LONRF2: variants seen among roughly 807,000 people sequenced by gnomAD.
LONRF2 encodes the protein LON peptidase N-terminal domain and ring finger 2.
In LONRF2, 35 loss-of-function variants were observed where a neutral mutation model predicts 66.6. The observed-to-expected ratio is 0.53, with a 90% CI of 0.40 to 0.70. The LOEUF (loss-of-function observed/expected upper bound fraction) is 0.70, where lower values mean the gene tolerates loss of function less well. Ranked by LOEUF, LONRF2 falls within the 30% of genes least tolerant of loss-of-function variation. The pLI, the probability that LONRF2 is intolerant of heterozygous loss-of-function variation, is 0.00. For synonymous variants in LONRF2, 417 were observed against 418.1 expected (o/e 1.00, Z 0.03); for missense variants, 902 against 1,002.1 (o/e 0.90, Z 1.35).
intron 2 of LONRF2, among the ~76,000 whole-genome samples, chr2:100,307,853 A>G (rs556512326): frequency 1.1e-4 from 17 of 152,382 alleles, no homozygotes; most frequent in Admixed American, 9.1e-4. Context: ...GATAAATTAT[A>G]TAAATTTTTG....
At chr2:100,293,800 C>T (rs902501308) in intron 9 of LONRF2, among the ~76,000 whole-genome samples, 2 of 152,072 alleles carry the variant, frequency 1.3e-5, no homozygotes, top group African/African-American at 4.8e-5. Flanking sequence ...GGTTGGTCTC[C>T]AACTCCTGGG....
chr2:100,295,391 A>G (rs766778860), intron 8 of LONRF2, 41 bp downstream of exon 8: 11 of 1,580,448 alleles, frequency 7.0e-6, no homozygotes, highest in South Asian at 4.7e-5. Flanking sequence ...ACAAAGTTCA[A>G]TCTGAACTTA....
rs1007204473 is a variant in LONRF2, at chr2:100,272,355, C to G, written c.*11943G>C. ...CTCCATAGAAAGTAAAAAAATTAGC[C>G]GGGTATAGCGGCATGCACCTGTGGT... On this transcript the variant is annotated 3_prime_UTR_variant, in exon 12 of 12. Coordinates refer to ENST00000393437, the MANE Select transcript of LONRF2 (RefSeq NM_198461.4). 6.6e-6 allele frequency among the ~76,000 whole-genome samples: 1 copy of G among 151,934 alleles called. No individual in the cohort carries two copies. The highest frequency in any genetic ancestry group is 2.4e-5 in the African/African-American group (1 of 41,370).
chr2:100,284,310 C>A lies in LONRF2; in HGVS notation c.2253G>T (p.Glu751Asp). 6.5e-7 allele frequency: 1 copy of A among 1,537,394 alleles called. No homozygotes were observed. Among genetic ancestry groups the A allele is most frequent in the East Asian group, 2.4e-5 (1 of 42,128 alleles). Residue 751 changes from glutamate to aspartate, a missense_variant, in exon 12 of 12, where the codon GAG becomes GAT. Transcript: ENST00000393437. ...NSRQELANAR[E>D]RNN is the part of the protein sequence containing the mutation. ...ACAGAGAGAAAAATCAATTATTTCT[C>A]TCCCTGGCATTAGCCAGCTCTTGCC...
chr2:100,292,480 G>A (rs982799571), intron 9 of LONRF2, among the ~76,000 whole-genome samples: 1 of 152,188 alleles, frequency 6.6e-6, no homozygotes, highest in Admixed American at 6.5e-5. Flanking sequence ...CTCCCTGTGG[G>A]ATCTTGTTTG....
rs1163018034 is a variant in LONRF2 at position 100,275,519 on chromosome 2, A to G, written c.*8779T>C. On this transcript the variant is annotated 3_prime_UTR_variant, in exon 12 of 12. Transcript: ENST00000393437. ...GGATCCTCCGGCCATGCGGCCGGTGAGAGGCACCCTCCTCACAGAAATGAC... is the reference window on the plus strand; with the variant it reads ...GGATCCTCCGGCCATGCGGCCGGTGGGAGGCACCCTCCTCACAGAAATGAC... 12 of 152,234 alleles carry G rather than the reference A, an allele frequency of 7.9e-5. No homozygotes were observed. Among genetic ancestry groups the G allele is most frequent in the Non-Finnish European group, 1.8e-4 (12 of 68,046 alleles). 9.4% of individuals were successfully genotyped at this position (152,234 alleles called of 1,614,324 possible).
chr2:100,306,134 G>A (rs1675286421), intron 2 of LONRF2, among the ~76,000 whole-genome samples: 1 of 151,924 alleles, frequency 6.6e-6, no homozygotes, highest in African/African-American at 2.4e-5. Flanking sequence ...GGCTGGTCTT[G>A]AACTCCTGAC....
intron 1 of LONRF2, among the ~76,000 whole-genome samples, chr2:100,316,031 A>T (rs958097006): frequency 2.6e-5 from 4 of 152,048 alleles, no homozygotes; most frequent in African/African-American, 4.8e-5. Context: ...CAAAATAGAA[A>T]ATTTTCTGGC....
chr2:100,296,742 A>G (rs1266909613), intron 7 of LONRF2, among the ~76,000 whole-genome samples: 1 of 152,212 alleles, frequency 6.6e-6, no homozygotes, highest in Non-Finnish European at 1.5e-5. Context: ...GTCATTATTA[A>G]TGACATAGGT....
chr2:100,286,845 A>C (rs1276298559), intron 11 of LONRF2, 69 bp downstream of exon 11: 4 of 1,533,846 alleles, frequency 2.6e-6, no homozygotes, highest in Non-Finnish European at 3.5e-6. Context: ...CAAGCTCTCC[A>C]CCAGAATGAT....
At chr2:100,293,028 T>C (rs964660591) in intron 9 of LONRF2, among the ~76,000 whole-genome samples, 2 of 152,214 alleles carry the variant, frequency 1.3e-5, no homozygotes, top group African/African-American at 2.4e-5. Flanking sequence ...TTACTAAGGC[T>C]TGTAAACTTG....
rs1675658471 is a variant in LONRF2, at chr2:100,322,342, C to T, written c.-249G>A. On this transcript the variant is annotated 5_prime_UTR_variant, in exon 1 of 12. Coordinates refer to ENST00000393437, the MANE Select transcript of LONRF2 (RefSeq NM_198461.4). ...AATCGTTCCGGGGTGGGGGCCGGGA[C>T]AGGCACCGCGGGCGCAATCTGAGCC... is the stretch of plus-strand genomic sequence containing the variant. 6.3e-6 allele frequency: 2 copies of T among 315,780 alleles called. No homozygotes were observed. The allele number at this position is 315,780 out of a possible 1,614,324, so 19.6% of individuals were successfully genotyped here.
In LONRF2 at chr2:100,273,752, T is replaced by C. The variant is rs1417927940; in HGVS notation, c.*10546A>G. 1 of 152,232 alleles carries C rather than the reference T, an allele frequency of 6.6e-6. No individual in the cohort carries two copies. The highest frequency in any genetic ancestry group is 1.5e-5 in the Non-Finnish European group (1 of 68,038). The allele number at this position is 152,232 out of a possible 1,614,324, so 9.4% of individuals were successfully genotyped here. A position where few individuals can be genotyped will look rare whatever the true frequency, so the allele number is the denominator to read the frequency against. ...CCAGCTTATTTATTCAAATTTGCTC[T>C]TCTTATTAAACAGAAAAAAAATACA... On this transcript the variant is annotated 3_prime_UTR_variant, in exon 12 of 12. Coordinates refer to ENST00000393437, the MANE Select transcript of LONRF2 (RefSeq NM_198461.4).
chr2:100,320,486 G>T (rs371549323), intron 1 of LONRF2, among the ~76,000 whole-genome samples: 104 of 152,060 alleles, frequency 6.8e-4, no homozygotes, highest in African/African-American at 2.3e-3. Flanking sequence ...TTTATAATTT[G>T]TGCCTTCTAA....
rs958673025 is a variant in LONRF2, at chr2:100,275,945, T to TAC, written c.*8351_*8352dup. The TAC allele has an allele frequency of 2.5e-4, 38 of 152,320 alleles. No individual in the cohort carries two copies. Among genetic ancestry groups the TAC allele is most frequent in the African/African-American group, 8.2e-4 (34 of 41,558 alleles). The allele number at this position is 152,320 out of a possible 1,614,324, so 9.4% of individuals were successfully genotyped here. A position where few individuals can be genotyped will look rare whatever the true frequency, so the allele number is the denominator to read the frequency against. On this transcript the variant is annotated 3_prime_UTR_variant, in exon 12 of 12. Coordinates refer to ENST00000393437, the MANE Select transcript of LONRF2 (RefSeq NM_198461.4). ...ATATACATACACATACACACATATA[T>TAC]ACACATGCAGATAGGCTATTTTAAC... is the stretch of plus-strand genomic sequence containing the variant.
chr2:100,314,201 G>A (rs1352637642), intron 1 of LONRF2, among the ~76,000 whole-genome samples: 1 of 152,102 alleles, frequency 6.6e-6, no homozygotes, highest in African/African-American at 2.4e-5. Flanking sequence ...TTAAGTTGTT[G>A]TACAAACTTA....
rs554239582 is a variant in LONRF2 at position 100,301,626 on chromosome 2, T to C, written c.922-839A>G. Among the ~76,000 whole-genome samples, 16 of 152,328 alleles carry C rather than the reference T, an allele frequency of 1.1e-4. No homozygotes were observed. In the South Asian group the frequency reaches 3.3e-3, roughly 32 times the overall value. On this transcript the variant is annotated intron_variant, in intron 3 of 11. Coordinates refer to ENST00000393437, the MANE Select transcript of LONRF2 (RefSeq NM_198461.4). Reference sequence around the variant, plus strand: ...GTGAACAGGCTAACATTGTTTTTGGTACCGTCTGTGATACAAGATATCTAT... The same window carrying C: ...GTGAACAGGCTAACATTGTTTTTGGCACCGTCTGTGATACAAGATATCTAT...
intron 1 of LONRF2, among the ~76,000 whole-genome samples, chr2:100,321,170 G>A (rs1675614631): frequency 6.6e-6 from 1 of 152,190 alleles, no homozygotes; most frequent in Non-Finnish European, 1.5e-5. Context: ...AGCTGCTCCG[G>A]GGGCCGCGGG....
At position 100,281,633 on chromosome 2, in the gene LONRF2, A is replaced by G. The variant is rs1290207098; in HGVS notation, c.*2665T>C. On this transcript the variant is annotated 3_prime_UTR_variant, in exon 12 of 12. Coordinates refer to ENST00000393437, the MANE Select transcript of LONRF2 (RefSeq NM_198461.4). ...ACAGAACAGCATGTATTGTTCCTCA[A>G]GAAGAAAAATGACTCCCCCACGCTG... The G allele has an allele frequency of 6.6e-6, 1 of 152,180 alleles. No individual in the cohort carries two copies. Among genetic ancestry groups the G allele is most frequent in the African/African-American group, 2.4e-5 (1 of 41,444 alleles). 9.4% of individuals were successfully genotyped at this position (152,180 alleles called of 1,614,324 possible). A position where few individuals can be genotyped will look rare whatever the true frequency, so the allele number is the denominator to read the frequency against.
Sources: gnomAD v4.1 joint callset for allele counts (sites outside exome capture counted in the v4.1 genomes callset) on GRCh38, gnomAD v4.1.1 for gene constraint, MANE v1.5 for transcripts, NCBI Gene and HGNC (gene_info 2026-07-23, HGNC 2026-07-21) for gene names.